Variants in AFAP1 observed in about 807,000 individuals in gnomAD.
AFAP1 encodes the protein actin filament-associated protein 1.
AFAP1 carries 75 observed loss-of-function variants against 93.9 expected under a neutral mutation model. That is an observed-to-expected ratio of 0.80 (90% confidence interval 0.66 to 0.97). The LOEUF is 0.97. AFAP1 is among the 50% of genes least tolerant of loss of function. The pLI, the probability that AFAP1 is intolerant of heterozygous loss-of-function variation, is 0.00. For missense variants in AFAP1, 1,201 were observed against 1,050.8 expected (o/e 1.14, Z -1.98); for synonymous variants, 517 against 430.7 (o/e 1.20, Z -2.48).
At chr4:7,885,990 T>C (rs1033914774) in intron 1 of AFAP1, among the ~76,000 whole-genome samples, 4 of 152,174 alleles carry the variant, frequency 2.6e-5, no homozygotes, top group Admixed American at 6.5e-5. Context: ...AGACTCTCCA[T>C]GCAGACTCTT....
At chr4:7,803,516 A>T (rs1013981901) in intron 9 of AFAP1, among the ~76,000 whole-genome samples, 2 of 151,914 alleles carry the variant, frequency 1.3e-5, no homozygotes, top group African/African-American at 4.8e-5. Flanking sequence ...ACCGGCCCTG[A>T]TCCCCAACCA....
At chr4:7,932,373 T>C (rs1721120234) in intron 1 of AFAP1, among the ~76,000 whole-genome samples, 1 of 152,218 alleles carries the variant, frequency 6.6e-6, no homozygotes, top group Non-Finnish European at 1.5e-5. Flanking sequence ...CATTGTTTAT[T>C]GGGCTTTTTG....
intron 1 of AFAP1, among the ~76,000 whole-genome samples, chr4:7,907,982 C>T (rs910734842): frequency 6.6e-6 from 1 of 152,086 alleles, no homozygotes; most frequent in Admixed American, 6.6e-5. Flanking sequence ...AAGGCTGAGG[C>T]GGGAGGATCA....
chr4:7,936,816 C>T (rs1363023296), intron 1 of AFAP1, among the ~76,000 whole-genome samples: 1 of 152,058 alleles, frequency 6.6e-6, no homozygotes, highest in Admixed American at 6.6e-5. Context: ...CTTCTAACCT[C>T]GTGATCTGCC....
At chr4:7,803,353 A>G (rs752408422) in intron 9 of AFAP1, among the ~76,000 whole-genome samples, 27 of 152,260 alleles carry the variant, frequency 1.8e-4, no homozygotes, top group Non-Finnish European at 7.3e-5. Flanking sequence ...GATAAGGAGC[A>G]GAAGAAACCA....
In AFAP1 at chr4:7,855,637, T is replaced by G. The variant is rs1714963950; in HGVS notation, c.226-63A>C. ...GACCATTAGAAGGAAATTCTGGATT[T>G]CCAATTAACAGGTGTGGCCAGTCTT... is the stretch of plus-strand genomic sequence containing the variant. On this transcript the variant is annotated intron_variant, in intron 3 of 17. Coordinates refer to ENST00000420658, the MANE Select transcript of AFAP1 (RefSeq NM_001134647.2). 6.5e-5 allele frequency: 86 copies of G among 1,319,318 alleles called. No individual in the cohort carries two copies. In the South Asian group the frequency reaches 1.0e-3, roughly 15 times the overall value. The allele number at this position is 1,319,318 out of a possible 1,614,324, so 81.7% of individuals were successfully genotyped here.
intron 3 of AFAP1, among the ~76,000 whole-genome samples, chr4:7,864,565 TC>T (rs1415949648): frequency 2.6e-5 from 4 of 152,168 alleles, no homozygotes; most frequent in Admixed American, 2.6e-4. Context: ...TGACAGCTGT[TC>T]TCTATTCCCT....
intron 7 of AFAP1, among the ~76,000 whole-genome samples, chr4:7,818,654 GC>G (rs1720696592): frequency 6.6e-6 from 1 of 152,228 alleles, no homozygotes; most frequent in African/African-American, 2.4e-5. Flanking sequence ...GTGCCCCTCT[GC>G]CTTCCAACAA....
chr4:7,920,725 A>T (rs1057316664), intron 1 of AFAP1, among the ~76,000 whole-genome samples: 1 of 152,228 alleles, frequency 6.6e-6, no homozygotes, highest in Non-Finnish European at 1.5e-5. Flanking sequence ...TCTTCCTTCG[A>T]ATCTCTATTT....
At chr4:7,818,745 G>C (rs1720700810) in intron 7 of AFAP1, among the ~76,000 whole-genome samples, 1 of 152,232 alleles carries the variant, frequency 6.6e-6, no homozygotes, top group Non-Finnish European at 1.5e-5. Flanking sequence ...GTACATTTAT[G>C]AAACGCCTGC....
rs374242379 is a variant in AFAP1, at chr4:7,769,015, G to A, written c.2254-7C>T. The A allele has an allele frequency of 4.8e-5, 76 of 1,599,500 alleles. No homozygotes were observed. The highest frequency in any genetic ancestry group is 1.8e-4 in the East Asian group (8 of 44,370). On this transcript the variant is annotated splice_region_variant and splice_polypyrimidine_tract_variant and intron_variant, in intron 16 of 17. Transcript: ENST00000420658. ...GGTGCCGGAACACTGGAGACTTAAC[G>A]GAGAGAGAGAACCCCATGTGATGAG... is the stretch of plus-strand genomic sequence containing the variant.
intron 13 of AFAP1, among the ~76,000 whole-genome samples, chr4:7,781,057 A>G (rs1716714558): frequency 7.3e-6 from 1 of 136,746 alleles, no homozygotes; most frequent in Non-Finnish European, 1.5e-5. Flanking sequence ...AATCTTCTGG[A>G]AAGTTTTATT....
chr4:7,880,881 T>C (rs534278955), intron 1 of AFAP1, among the ~76,000 whole-genome samples: 3 of 152,268 alleles, frequency 2.0e-5, no homozygotes, highest in South Asian at 4.2e-4. Context: ...ACGGGGAAAG[T>C]TGCCACGGGC....
At chr4:7,879,583 T>G (rs1577329501) in intron 1 of AFAP1, among the ~76,000 whole-genome samples, 1 of 152,096 alleles carries the variant, frequency 6.6e-6, no homozygotes, top group South Asian at 2.1e-4. Context: ...ATTCCCAAAG[T>G]GACGGCAAAA....
At position 7,809,668 on chromosome 4, in the gene AFAP1, T is replaced by G; in HGVS notation, c.1000A>C (p.Lys334Gln). Residue 334 changes from lysine (K) to glutamine (Q), a missense_variant, in exon 9 of 18, where the codon AAG (lysine) becomes CAG (glutamine). Coordinates refer to ENST00000420658, the MANE Select transcript of AFAP1 (RefSeq NM_001134647.2). ...GAGGTCTGCTCGTCTGTGGACGGCT[T>G]TTTCTTTCCCAGACTGATGATCTTG... Reference protein sequence around the residue: ...ITKIISLGKKKPSTDEQTSSA... With the variant: ...ITKIISLGKKQPSTDEQTSSA... The G allele has an allele frequency of 6.2e-7, 1 of 1,614,136 alleles. No homozygotes were observed. The highest frequency in any genetic ancestry group is 8.5e-7 in the Non-Finnish European group (1 of 1,180,018).
chr4:7,931,549 T>G (rs983259219), intron 1 of AFAP1, among the ~76,000 whole-genome samples: 2 of 150,614 alleles, frequency 1.3e-5, no homozygotes, highest in Non-Finnish European at 3.0e-5. Context: ...GCCCAGCATT[T>G]TTTTTTTTTT....
chr4:7,779,730 T>A (rs1716557773), intron 13 of AFAP1, among the ~76,000 whole-genome samples: 1 of 152,180 alleles, frequency 6.6e-6, no homozygotes, highest in Non-Finnish European at 1.5e-5. Context: ...CGCCATTTGA[T>A]CATTTAAAAA....
intron 1 of AFAP1, among the ~76,000 whole-genome samples, chr4:7,901,108 G>GT (rs1719089521): frequency 6.6e-6 from 1 of 152,206 alleles, no homozygotes; most frequent in Non-Finnish European, 1.5e-5. Flanking sequence ...GTTGAATGCA[G>GT]TTTGGGACCT....
intron 10 of AFAP1, 92 bp from the exon 11 acceptor site, chr4:7,793,918 G>A: frequency 7.5e-7 from 1 of 1,327,378 alleles, no homozygotes; most frequent in Non-Finnish European, 9.9e-7. Flanking sequence ...TAATAGGAAA[G>A]GCGATGAAAC....
Sources: allele counts gnomAD v4.1 joint callset (sites outside exome capture counted in the v4.1 genomes callset), GRCh38; gene constraint gnomAD v4.1.1; transcripts MANE v1.5; gene names NCBI Gene and HGNC (gene_info 2026-07-23, HGNC 2026-07-21).